Variants in MAP3K4 observed in about 807,000 individuals in gnomAD.
MAP3K4 encodes MAP three kinase 1.
Under a neutral mutation model 185.6 loss-of-function variants are expected in MAP3K4, and 67 were observed. The ratio of observed to expected loss-of-function variants is 0.36; its 90% CI spans 0.30 to 0.44. The LOEUF (loss-of-function observed/expected upper bound fraction) is 0.44, where lower values mean the gene tolerates loss of function less well. MAP3K4 is among the 20% of genes least tolerant of loss of function. The probability of loss-of-function intolerance (pLI) is 1.00; values close to 1 mark genes in which losing one functional copy is unlikely to be tolerated. For synonymous variants in MAP3K4, 702 were observed against 710.4 expected, an observed-to-expected ratio of 0.99 and a Z score of 0.19; for missense variants, 1,551 against 1,995.1, an observed-to-expected ratio of 0.78 and a Z score of 4.24.
rs1314478174 is a variant in MAP3K4 at position 161,049,142 on chromosome 6, C to T, written c.870C>T (p.Ala290=). 6.2e-7 allele frequency: 1 copy of T among 1,614,114 alleles called. No individual in the cohort carries two copies. Among genetic ancestry groups the T allele is most frequent in the South Asian group, 1.1e-5 (1 of 91,082 alleles). ...QDFFLYTARQ[A]IPDIINEILT... ...TCTTTTTATATACAGCCCGTCAAGC[C>T]ATCCCAGATATTATTAATGAAATCC... Residue 290 remains alanine (A), a synonymous_variant, in exon 3 of 27, where the codon GCC becomes GCT. Transcript: ENST00000392142. This position sits in a 1 kb window ranked among gnomAD's most constrained non-coding sequence, Gnocchi z 8.4.
Position 161,091,946 on chromosome 6 carries a change from ATAGTGTGTGATATTATT to A in MAP3K4, c.3136-61_3136-45del. On this transcript the variant is annotated intron_variant, in intron 12 of 26. Transcript: ENST00000392142. This position sits in a 1 kb window ranked among gnomAD's most constrained non-coding sequence, Gnocchi z 5.5. ...TAGAAAACATTTTAGACATGGCATT[ATAGTGTGTGATATTATT>A]TAATGATCATTTCCTTAATGTTGAT... 7.5e-7 allele frequency: 1 copy of A among 1,336,750 alleles called. No homozygotes were observed. Among genetic ancestry groups the A allele is most frequent in the South Asian group, 1.2e-5 (1 of 83,024 alleles). The allele number at this position is 1,336,750 out of a possible 1,614,324, so 82.8% of individuals were successfully genotyped here.
At chr6:161,029,897 CT>C (rs1289110173) in intron 1 of MAP3K4, among the ~76,000 whole-genome samples, 2 of 152,028 alleles carry the variant, frequency 1.3e-5, no homozygotes, top group Non-Finnish European at 2.9e-5. Context: ...TGCTTGATTT[CT>C]TTCCCTCCTA....
chr6:161,030,814 C>T (rs1338334088), intron 1 of MAP3K4, among the ~76,000 whole-genome samples: 2 of 152,180 alleles, frequency 1.3e-5, no homozygotes, highest in Non-Finnish European at 2.9e-5. Flanking sequence ...GGATTTTGTT[C>T]TGACATGTAG....
rs189774345 is a variant in MAP3K4 at position 161,070,499 on chromosome 6, T to C, written c.1708-109T>C. ...TATTCTTTTCCCTGTAAAATTAGAA[T>C]TTTTGTAGATTTGTTAGCACATTGT... On this transcript the variant is annotated intron_variant, in intron 3 of 26. Coordinates refer to ENST00000392142, the MANE Select transcript of MAP3K4 (RefSeq NM_005922.4). This position sits in a 1 kb window ranked among gnomAD's most constrained non-coding sequence, Gnocchi z 4.5. The C allele has an allele frequency of 1.4e-4, 111 of 794,240 alleles. No homozygotes were observed. The African/African-American group carries it at 1.9e-3, about 13-fold the overall frequency. The allele number at this position is 794,240 out of a possible 1,614,324, so 49.2% of individuals were successfully genotyped here. A position where few individuals can be genotyped will look rare whatever the true frequency, so the allele number is the denominator to read the frequency against.
chr6:161,096,965 T>TA lies in MAP3K4; in HGVS notation c.3428-114dup. On this transcript the variant is annotated intron_variant, in intron 15 of 26. Transcript: ENST00000392142. This position sits in a 1 kb window ranked among gnomAD's most constrained non-coding sequence, Gnocchi z 4.9. ...TATTTTTTACTTATATAAATGGACT[T>TA]ACCTTGGTCATTGGCCAGAATAAGT... The TA allele has an allele frequency of 1.4e-6, 1 of 723,022 alleles. No homozygotes were observed. 44.8% of individuals were successfully genotyped at this position (723,022 alleles called of 1,614,324 possible).
In MAP3K4 at chr6:161,097,258, T is replaced by C; in HGVS notation, c.3524+82T>C. 1.7e-6 allele frequency: 2 copies of C among 1,148,262 alleles called. No homozygotes were observed. The highest frequency in any genetic ancestry group is 2.6e-6 in the Non-Finnish European group (2 of 768,194). The allele number at this position is 1,148,262 out of a possible 1,614,324, so 71.1% of individuals were successfully genotyped here. On this transcript the variant is annotated intron_variant, in intron 16 of 26. Coordinates refer to ENST00000392142, the MANE Select transcript of MAP3K4 (RefSeq NM_005922.4). This position sits in a 1 kb window ranked among gnomAD's most constrained non-coding sequence, Gnocchi z 4.9. ...CATACTTTTGAAACTACTAGATGCT[T>C]GCTCTGAGAGCTAAATACCTTTTCT...
At position 161,076,186 on chromosome 6, in the gene MAP3K4, C is replaced by T. The variant is rs1785167890; in HGVS notation, c.2097+2574C>T. ...CGTGTCCGCCTTAGGCCCAGAAGGC[C>T]CACCCAGAGATTAACTAGAGCCTTG... On this transcript the variant is annotated intron_variant, in intron 5 of 26. Transcript: ENST00000392142. The surrounding 1 kb of genome is among the most constrained non-coding windows in gnomAD (Gnocchi z 4.2). Among the ~76,000 whole-genome samples, 1 of 152,156 alleles carries T rather than the reference C, an allele frequency of 6.6e-6. No homozygotes were observed. Among genetic ancestry groups the T allele is most frequent in the African/African-American group, 2.4e-5 (1 of 41,426 alleles).
chr6:161,114,145 T>C lies in MAP3K4; in HGVS notation c.4627-978T>C, dbSNP rs1254093674. Among the ~76,000 whole-genome samples, 2 of 152,188 alleles carry C rather than the reference T, an allele frequency of 1.3e-5. No homozygotes were observed. The highest frequency in any genetic ancestry group is 2.9e-5 in the Non-Finnish European group (2 of 68,034). On this transcript the variant is annotated intron_variant, in intron 25 of 26. Transcript: ENST00000392142. This position sits in a 1 kb window ranked among gnomAD's most constrained non-coding sequence, Gnocchi z 4.3. ...ACATGTTTTGGACAGAAATTCCATG[T>C]GGTAGGGCTGCTCCGGAGACATTTC...
intron 3 of MAP3K4, among the ~76,000 whole-genome samples, chr6:161,060,227 C>T (rs1784424369): frequency 6.6e-6 from 1 of 152,228 alleles, no homozygotes; most frequent in African/African-American, 2.4e-5. Flanking sequence ...TAAGGATAAA[C>T]TTTTCCTCAC....
chr6:161,066,808 T>C (rs1397328782), intron 3 of MAP3K4, among the ~76,000 whole-genome samples: 5 of 152,202 alleles, frequency 3.3e-5, no homozygotes, highest in Non-Finnish European at 5.9e-5. Flanking sequence ...TCCCAGGCAA[T>C]GTGGTCTTGC....
intron 2 of MAP3K4, among the ~76,000 whole-genome samples, chr6:161,040,102 C>G (rs1048963608): frequency 5.9e-5 from 9 of 152,244 alleles, no homozygotes; most frequent in Non-Finnish European, 1.2e-4. Flanking sequence ...ATACTCCTAC[C>G]AACAATGTAT....
chr6:161,024,582 A>G (rs1209817076), intron 1 of MAP3K4, among the ~76,000 whole-genome samples: 2 of 152,154 alleles, frequency 1.3e-5, no homozygotes, highest in Non-Finnish European at 2.9e-5. Flanking sequence ...TTGAGAAGTA[A>G]TGATTAGGTA....
chr6:161,031,893 C>A (rs1782948665), intron 1 of MAP3K4, among the ~76,000 whole-genome samples: 1 of 152,192 alleles, frequency 6.6e-6, no homozygotes, highest in Admixed American at 6.5e-5. Flanking sequence ...TTCCTCCTCA[C>A]CACAAAGGAT....
At position 161,107,879 on chromosome 6, in the gene MAP3K4, C is replaced by T. The variant is rs1357478245; in HGVS notation, c.4049-20C>T. The T allele has an allele frequency of 6.2e-6, 10 of 1,606,590 alleles. No homozygotes were observed. The Admixed American group carries it at 1.2e-4, about 19-fold the overall frequency. ...CCCCCTGCAGTGGCTGGAAGTGCAG[C>T]TTGTTTGCATTGTTCACAGGAGAAG... On this transcript the variant is annotated intron_variant, in intron 20 of 26. Coordinates refer to ENST00000392142, the MANE Select transcript of MAP3K4 (RefSeq NM_005922.4). This position sits in a 1 kb window ranked among gnomAD's most constrained non-coding sequence, Gnocchi z 6.2.
rs776895123 is a variant in MAP3K4, at chr6:161,108,845, G to A, written c.4222G>A (p.Val1408Met). ...CCCCAATCTGGTTCGGTATTTTGGT[G>A]TGGAGCTCCATAGAGTAAGCCGACC... ...KHPNLVRYFG[V>M]ELHREEMYIF... is the part of the protein sequence containing the mutation. The change falls in exon 22 of 27, where the codon GTG becomes ATG. Residue 1408 changes from valine to methionine, a missense_variant. By Grantham distance (21) the Val-to-Met change is conservative (BLOSUM62 1). Coordinates refer to ENST00000392142, the MANE Select transcript of MAP3K4 (RefSeq NM_005922.4). The surrounding 1 kb of genome is among the most constrained non-coding windows in gnomAD (Gnocchi z 5.7). 3 of 1,613,848 alleles carry A rather than the reference G, an allele frequency of 1.9e-6. No individual in the cohort carries two copies. The highest frequency in any genetic ancestry group is 1.7e-6 in the Non-Finnish European group (2 of 1,179,736).
At chr6:160,992,172 G>T in intron 1 of MAP3K4, 89 bp downstream of exon 1, 12 of 1,401,518 alleles carry the variant, frequency 8.6e-6, no homozygotes, top group East Asian at 2.9e-5. Flanking sequence ...TCTGCTTCCC[G>T]CCAGGTGGGG....
intron 11 of MAP3K4, 102 bp downstream of exon 11, chr6:161,089,573 C>A: frequency 8.2e-7 from 1 of 1,225,626 alleles, no homozygotes. Context: ...ACTTGAGCTC[C>A]TGAATTGCCT....
rs1554287299 is a variant in MAP3K4, at chr6:161,107,050, G to GCGCACACA, written c.4048+346_4048+347insGCACACAC. On this transcript the variant is annotated intron_variant, in intron 20 of 26. Coordinates refer to ENST00000392142, the MANE Select transcript of MAP3K4 (RefSeq NM_005922.4). This position sits in a 1 kb window ranked among gnomAD's most constrained non-coding sequence, Gnocchi z 6.2. ...TCTCTCTCTCTCTACACACGCGCGC[G>GCGCACACA]CACACACACACACACACACACACAC... is the stretch of plus-strand genomic sequence containing the variant. Among the ~76,000 whole-genome samples, 560 of 105,242 alleles carry GCGCACACA rather than the reference G, an allele frequency of 5.3e-3. 4 individuals carry two copies. The highest frequency in any genetic ancestry group is 0.018 in the African/African-American group (528 of 29,866). The allele number at this position is 105,242 out of a possible 152,430, so 69.0% of individuals were successfully genotyped here.
chr6:161,096,971 G>T lies in MAP3K4; in HGVS notation c.3428-109G>T. ...TTACTTATATAAATGGACTTACCTTGGTCATTGGCCAGAATAAGTGACATT... is the reference window on the plus strand; with the variant it reads ...TTACTTATATAAATGGACTTACCTTTGTCATTGGCCAGAATAAGTGACATT... On this transcript the variant is annotated intron_variant, in intron 15 of 26. Transcript: ENST00000392142. This position sits in a 1 kb window ranked among gnomAD's most constrained non-coding sequence, Gnocchi z 4.9. 2.6e-6 allele frequency: 2 copies of T among 762,150 alleles called. No individual in the cohort carries two copies. The highest frequency in any genetic ancestry group is 4.6e-6 in the Non-Finnish European group (2 of 438,874). 47.2% of individuals were successfully genotyped at this position (762,150 alleles called of 1,614,324 possible).
Sources: allele counts gnomAD v4.1 joint callset (sites outside exome capture counted in the v4.1 genomes callset), GRCh38; gene constraint gnomAD v4.1.1; non-coding constraint Gnocchi (gnomAD v3.1); transcripts MANE v1.5; gene names NCBI Gene and HGNC (gene_info 2026-07-23, HGNC 2026-07-21).